The following MMP17 variants were observed in gnomAD, a reference collection of about 807,000 sequenced individuals.
MMP17 encodes matrix metallopeptidase 17.
Under a neutral mutation model 49.1 loss-of-function variants are expected in MMP17, and 54 were observed. The ratio of observed to expected loss-of-function variants is 1.10; its 90% CI spans 0.88 to 1.38. The LOEUF (loss-of-function observed/expected upper bound fraction) is 1.38, where lower values mean the gene tolerates loss of function less well. Ranked by LOEUF, MMP17 falls within the 40% of genes most tolerant of loss-of-function variation. MMP17 has a pLI of 0.00. For synonymous variants in MMP17, 397 were observed against 383.1 expected (o/e 1.04, Z -0.42); for missense variants, 837 against 853.7 (o/e 0.98, Z 0.24).
intron 1 of MMP17, among the ~76,000 whole-genome samples, chr12:131,832,701 G>A (rs901583216): frequency 1.5e-4 from 23 of 152,096 alleles, no homozygotes; most frequent in African/African-American, 3.9e-4. Context: ...GGCAGGGACA[G>A]GACGGGGTGT....
rs200226590 is a variant in MMP17, at chr12:131,850,941, C to T, written c.1479C>T (p.Phe493=). ...MRWSDGASYF[F]RGQEYWKVLD... is the part of the protein sequence containing the mutation. ...TCTTCTCAGGTGCCTCCTACTTCTT[C>T]CGTGGCCAGGAGTACTGGAAAGTGC... The change falls in exon 10 of 10, where the codon TTC becomes TTT. Residue 493 remains phenylalanine, a synonymous_variant. Coordinates refer to ENST00000360564, the MANE Select transcript of MMP17 (RefSeq NM_016155.7). The T allele has an allele frequency of 2.0e-6, 3 of 1,484,922 alleles. No homozygotes were observed. Among genetic ancestry groups the T allele is most frequent in the South Asian group, 2.8e-5 (2 of 72,038 alleles). 92.0% of individuals were successfully genotyped at this position (1,484,922 alleles called of 1,614,324 possible).
At position 131,849,870 on chromosome 12, in the gene MMP17, A is replaced by G. The variant is rs559536799; in HGVS notation, c.1273A>G (p.Ser425Gly). Residue 425 changes from serine to glycine, a missense_variant, in exon 9 of 10, where the codon AGC (serine) becomes GGC (glycine). Ser to Gly is a moderately conservative substitution (Grantham distance 56). Transcript: ENST00000360564. ...ATACCCGCGCCCCGTCTCCGACTTC[A>G]GCCTCCCGCCTGGCGGCATCGACGC... The part of the protein sequence containing the change: ...EGYPRPVSDF[S>G]LPPGGIDAAF... 1.8e-5 allele frequency: 29 copies of G among 1,614,020 alleles called. No individual in the cohort carries two copies. In the African/African-American group the frequency reaches 1.9e-4, roughly 10 times the overall value.
chr12:131,838,016 A>G, intron 1 of MMP17, 179 bp from the exon 2 acceptor site: 1 of 706,006 alleles, frequency 1.4e-6, no homozygotes, highest in Non-Finnish European at 2.2e-6. Flanking sequence ...GGCCAGGGAC[A>G]TCAGGTTTAT....
At position 131,840,702 on chromosome 12, in the gene MMP17, C is replaced by T; in HGVS notation, c.552C>T (p.Asp184=). The T allele has an allele frequency of 6.2e-7, 1 of 1,605,772 alleles. No homozygotes were observed. Among genetic ancestry groups the T allele is most frequent in the Non-Finnish European group, 8.5e-7 (1 of 1,179,932 alleles). Residue 184 remains aspartate (D), a synonymous_variant, in exon 4 of 10, where the codon GAC becomes GAT. Coordinates refer to ENST00000360564, the MANE Select transcript of MMP17 (RefSeq NM_016155.7). The part of the protein sequence containing the change: ...NFHEVAGSAA[D]IQIDFSKADH... ...ACGAGGTGGCGGGCAGCGCCGCCGACATCCAGATCGACTTCTCCAAGGCCG... is the reference window on the plus strand; with the variant it reads ...ACGAGGTGGCGGGCAGCGCCGCCGATATCCAGATCGACTTCTCCAAGGCCG...
At chr12:131,844,474 C>A in intron 6 of MMP17, 1 of 277,378 alleles carries the variant, frequency 3.6e-6, no homozygotes. Context: ...CATCTGGTGC[C>A]AGGGCTGGGC....
Position 131,849,957 on chromosome 12 carries a change from T to C in MMP17, c.1360T>C (p.Tyr454His), listed in dbSNP as rs893690119. ...CTTTAAGGACCAGCTGTACTGGCGC[T>C]ACGATGACCACACGAGGCACATGGA... ...YFFKDQLYWR[Y>H]DDHTRHMDPG... The change falls in exon 9 of 10, where the codon TAC becomes CAC. Residue 454 changes from tyrosine (Y) to histidine (H), a missense_variant. By Grantham distance (83) the Tyr-to-His change is moderately conservative. Coordinates refer to ENST00000360564, the MANE Select transcript of MMP17 (RefSeq NM_016155.7). 3 of 1,613,870 alleles carry C rather than the reference T, an allele frequency of 1.9e-6. No individual in the cohort carries two copies. Among genetic ancestry groups the C allele is most frequent in the Admixed American group, 1.7e-5 (1 of 60,002 alleles).
At chr12:131,841,847 C>A in intron 5 of MMP17, 47 bp downstream of exon 5, 1 of 1,507,680 alleles carries the variant, frequency 6.6e-7, no homozygotes, top group South Asian at 1.3e-5. Context: ...GAAGAGGGGT[C>A]AGAAACCCCA....
rs1034122099 is a variant in MMP17, at chr12:131,846,602, T to C, written c.1204+1153T>C. Among the ~76,000 whole-genome samples the C allele has an allele frequency of 1.3e-5, 2 of 152,112 alleles. No homozygotes were observed. The highest frequency in any genetic ancestry group is 4.8e-5 in the African/African-American group (2 of 41,420). On this transcript the variant is annotated intron_variant, in intron 8 of 9. Coordinates refer to ENST00000360564, the MANE Select transcript of MMP17 (RefSeq NM_016155.7). The surrounding 1 kb of genome is among the most constrained non-coding windows in gnomAD (Gnocchi z 4.6). ...GTTGGCCAGGCTGGTCTCGAACTCC[T>C]GACTTCAGGTGATCCACCCGCCTTG... is the stretch of plus-strand genomic sequence containing the variant.
chr12:131,843,020 G>A (rs1490946117), intron 5 of MMP17, among the ~76,000 whole-genome samples: 1 of 151,934 alleles, frequency 6.6e-6, no homozygotes, highest in Non-Finnish European at 1.5e-5. Context: ...TTTTGAGATG[G>A]AGTCTCACTC....
In MMP17 at chr12:131,840,729, C is replaced by T. The variant is rs1235984613; in HGVS notation, c.579C>T (p.Asp193=). The change falls in exon 4 of 10, where the codon GAC becomes GAT. Residue 193 remains aspartate (D), a synonymous_variant. Transcript: ENST00000360564. The part of the protein sequence containing the change: ...ADIQIDFSKA[D]HNDGYPFDGP... ...TCCAGATCGACTTCTCCAAGGCCGACCATAACGACGGCTACCCCTTCGACG... is the reference window on the plus strand; with the variant it reads ...TCCAGATCGACTTCTCCAAGGCCGATCATAACGACGGCTACCCCTTCGACG... 6.2e-7 allele frequency: 1 copy of T among 1,604,606 alleles called. No individual in the cohort carries two copies. Among genetic ancestry groups the T allele is most frequent in the Non-Finnish European group, 8.5e-7 (1 of 1,179,914 alleles).
chr12:131,835,328 G>A (rs903989003), intron 1 of MMP17, among the ~76,000 whole-genome samples: 5 of 152,242 alleles, frequency 3.3e-5, no homozygotes, highest in African/African-American at 1.2e-4. Context: ...TGGTGCTGGG[G>A]CCCTGGTTCT....
rs780900080 is a variant in MMP17 at position 131,849,833 on chromosome 12, C to T, written c.1236C>T (p.Asn412=). The T allele has an allele frequency of 3.8e-5, 61 of 1,613,732 alleles. No individual in the cohort carries two copies. In the South Asian group the frequency reaches 4.4e-4, roughly 12 times the overall value. The part of the protein sequence containing the change: ...GDRYWVFKDN[N]VEEGYPRPVS... ...GGTACTGGGTGTTCAAGGACAATAACGTAGAGGAAGGATACCCGCGCCCCG... is the reference window on the plus strand; with the variant it reads ...GGTACTGGGTGTTCAAGGACAATAATGTAGAGGAAGGATACCCGCGCCCCG... Residue 412 remains asparagine (N), a synonymous_variant, in exon 9 of 10, where the codon AAC becomes AAT. Coordinates refer to ENST00000360564, the MANE Select transcript of MMP17 (RefSeq NM_016155.7).
intron 3 of MMP17, chr12:131,840,346 T>G: frequency 3.9e-6 from 2 of 509,370 alleles, no homozygotes; most frequent in Non-Finnish European, 7.0e-6. Context: ...GGCCTGGGGG[T>G]CTCAGCCTGC....
chr12:131,838,522 A>G (rs1478674681), intron 2 of MMP17, 90 bp from the exon 3 acceptor site: 28 of 1,504,836 alleles, frequency 1.9e-5, no homozygotes, highest in Middle Eastern at 2.5e-4. Flanking sequence ...GGCTGGTGCC[A>G]GAGTCAGGGC....
chr12:131,836,476 CT>C (rs35237414), intron 1 of MMP17, among the ~76,000 whole-genome samples: 51,218 of 142,228 alleles, frequency 0.36, 10,611 homozygotes, highest in East Asian at 0.52. Flanking sequence ...TTTCTTTTTC[CT>C]TTTTTTTTTT....
At chr12:131,842,722 G>A (rs916997626) in intron 5 of MMP17, among the ~76,000 whole-genome samples, 1 of 151,516 alleles carries the variant, frequency 6.6e-6, no homozygotes, top group Non-Finnish European at 1.5e-5. Flanking sequence ...GCAGTGAGCT[G>A]AGATCGCACC....
chr12:131,831,029 G>C (rs545370968), intron 1 of MMP17, among the ~76,000 whole-genome samples: 1 of 152,182 alleles, frequency 6.6e-6, no homozygotes, highest in Non-Finnish European at 1.5e-5. Flanking sequence ...GCGGCTCTCC[G>C]TGCCTTATTT....
rs961763989 is a variant in MMP17, at chr12:131,850,394, C to T, written c.1462+335C>T. Among the ~76,000 whole-genome samples the T allele has an allele frequency of 4.6e-5, 7 of 152,222 alleles. No homozygotes were observed. The East Asian group carries it at 5.8e-4, about 13-fold the overall frequency. ...TGAGATGTCCACACAGCCCCTCCCT[C>T]GCCGGCCCCAGCCCTGCCAAACGCC... On this transcript the variant is annotated intron_variant, in intron 9 of 9. Coordinates refer to ENST00000360564, the MANE Select transcript of MMP17 (RefSeq NM_016155.7).
intron 3 of MMP17, 75 bp from the exon 4 acceptor site, chr12:131,840,498 G>C: frequency 6.7e-7 from 1 of 1,483,544 alleles, no homozygotes; most frequent in East Asian, 2.3e-5. Context: ...GCTGAGGAGG[G>C]GCGTTCAGGG....
Sources: gnomAD v4.1 joint callset for allele counts (sites outside exome capture counted in the v4.1 genomes callset) on GRCh38, gnomAD v4.1.1 for gene constraint, Gnocchi (gnomAD v3.1) non-coding constraint, MANE v1.5 for transcripts, NCBI Gene and HGNC (gene_info 2026-07-23, HGNC 2026-07-21) for gene names.